Variants in MYOM2 observed in about 807,000 individuals in gnomAD.
MYOM2 encodes myomesin 2, also known as myomesin-2.
In MYOM2, 254 loss-of-function variants were observed where a neutral mutation model predicts 187.6. The ratio of observed to expected loss-of-function variants is 1.35; its 90% CI spans 1.22 to 1.50. The LOEUF (loss-of-function observed/expected upper bound fraction) is 1.50. Ranked by LOEUF, MYOM2 falls within the 40% of genes most tolerant of loss-of-function variation. The pLI, the probability that MYOM2 is intolerant of heterozygous loss-of-function variation, is 0.00. For synonymous variants in MYOM2, 981 were observed against 753.8 expected, an observed-to-expected ratio of 1.30 and a Z score of -4.94; for missense variants, 2,796 against 1,924.0, an observed-to-expected ratio of 1.45 and a Z score of -8.48.
intron 27 of MYOM2, 45 bp from the exon 28 acceptor site, chr8:2,117,840 A>C (rs750170428): frequency 1.5e-5 from 21 of 1,422,344 alleles, no homozygotes; most frequent in Middle Eastern, 1.8e-4. Flanking sequence ...TTATTTGTTT[A>C]CTTTTTCCTT....
chr8:2,108,623 A>C (rs1796968867), intron 23 of MYOM2, among the ~76,000 whole-genome samples, 163 bp from the exon 24 acceptor site: 1 of 152,086 alleles, frequency 6.6e-6, no homozygotes, highest in Non-Finnish European at 1.5e-5. Flanking sequence ...GTGAAGGTTA[A>C]AGCTATCCTC....
intron 21 of MYOM2, among the ~76,000 whole-genome samples, chr8:2,104,056 G>T (rs73186748): frequency 0.052 from 7,898 of 152,280 alleles, 281 homozygotes; most frequent in Middle Eastern, 0.088. Flanking sequence ...TCATCTTCAT[G>T]CTTGGCAGGG....
intron 1 of MYOM2, among the ~76,000 whole-genome samples, chr8:2,046,096 C>A (rs2129325287): frequency 6.6e-6 from 1 of 152,370 alleles, no homozygotes; most frequent in Non-Finnish European, 1.5e-5. Context: ...CGCTGCGTGT[C>A]TGGGAGTCCC....
intron 1 of MYOM2, among the ~76,000 whole-genome samples, chr8:2,045,611 G>C (rs1033629262): frequency 1.3e-5 from 2 of 152,236 alleles, no homozygotes; most frequent in African/African-American, 2.4e-5. Flanking sequence ...AAAGAGTCGA[G>C]GGTCATTCAG....
At chr8:2,051,967 T>C (rs914976374) in intron 2 of MYOM2, among the ~76,000 whole-genome samples, 191 bp from the exon 3 acceptor site, 3 of 152,256 alleles carry the variant, frequency 2.0e-5, no homozygotes, top group Admixed American at 1.3e-4. Flanking sequence ...TGCATATGCA[T>C]GCATGTGTGT....
chr8:2,090,779 T>C (rs1376843618), intron 15 of MYOM2, among the ~76,000 whole-genome samples: 3 of 152,230 alleles, frequency 2.0e-5, no homozygotes, highest in African/African-American at 7.2e-5. Flanking sequence ...TTCACTCATA[T>C]TCCTGCAAAG....
chr8:2,126,515 GACAC>G (rs769878187), intron 31 of MYOM2, among the ~76,000 whole-genome samples: 37 of 152,096 alleles, frequency 2.4e-4, no homozygotes, highest in South Asian at 1.9e-3. Context: ...CTCACACACT[GACAC>G]ACACACTCAT....
chr8:2,109,116 G>GT (rs1796985037), intron 24 of MYOM2, among the ~76,000 whole-genome samples: 2 of 152,182 alleles, frequency 1.3e-5, no homozygotes, highest in Non-Finnish European at 2.9e-5. Context: ...GAAATCTTCT[G>GT]TTATTGAATT....
In MYOM2 at chr8:2,057,671, A is replaced by G. The variant is rs757157953; in HGVS notation, c.451A>G (p.Ser151Gly). The part of the protein sequence containing the change: ...WERHTFEERI[S>G]RAPEILVRLR... ...GAGACACACATTTGAAGAGCGGATA[A>G]GCAGGGCTCCTGAGATCCTGGTGCG... Residue 151 changes from serine (S) to glycine (G), a missense_variant, in exon 5 of 37, where the codon AGC (serine) becomes GGC (glycine). Transcript: ENST00000262113. 20 of 1,614,032 alleles carry G rather than the reference A, an allele frequency of 1.2e-5. No homozygotes were observed. The highest frequency in any genetic ancestry group is 1.7e-5 in the Non-Finnish European group (20 of 1,180,040).
intron 15 of MYOM2, among the ~76,000 whole-genome samples, chr8:2,092,130 T>A (rs926327329): frequency 2.0e-5 from 3 of 152,096 alleles, no homozygotes; most frequent in Non-Finnish European, 4.4e-5. Context: ...AGGAGTTGTG[T>A]GGAGCTTGGG....
intron 32 of MYOM2, among the ~76,000 whole-genome samples, chr8:2,138,301 T>C (rs2116912203): frequency 6.6e-6 from 1 of 152,310 alleles, no homozygotes; most frequent in South Asian, 2.1e-4. Context: ...CATGGCCTCA[T>C]CGCTTCTGCT....
chr8:2,131,616 A>T (rs970809389), intron 32 of MYOM2, among the ~76,000 whole-genome samples: 4 of 150,650 alleles, frequency 2.7e-5, no homozygotes, highest in African/African-American at 7.3e-5. Context: ...AAACAAATTC[A>T]TTATACAACA....
chr8:2,091,207 T>A (rs11136464), intron 15 of MYOM2, among the ~76,000 whole-genome samples: 138,782 of 151,438 alleles, frequency 0.92, 63,674 homozygotes, highest in East Asian at 1. Flanking sequence ...AATGCTTTTT[T>A]AAAAAAATTT....
intron 4 of MYOM2, 53 bp downstream of exon 4, chr8:2,057,539 G>T: frequency 6.2e-7 from 1 of 1,613,232 alleles, no homozygotes; most frequent in Non-Finnish European, 8.5e-7. Context: ...CTAGATCTTA[G>T]CTTGTCTGCA....
Position 2,115,970 on chromosome 8 carries a change from T to A in MYOM2, c.3191T>A (p.Ile1064Asn). Reference protein sequence around the residue: ...REVSDSEIHRIKCDKATGIIE... With the variant: ...REVSDSEIHRNKCDKATGIIE... ...TTGTTTTGCTTGCAGATACACAGAATTAAATGTGACAAAGCTACTGGCATT... is the reference window on the plus strand; with the variant it reads ...TTGTTTTGCTTGCAGATACACAGAAATAAATGTGACAAAGCTACTGGCATT... Residue 1064 changes from isoleucine (I) to asparagine (N), a missense_variant, in exon 26 of 37, where the codon ATT becomes AAT. Coordinates refer to ENST00000262113, the MANE Select transcript of MYOM2 (RefSeq NM_003970.4). 6.2e-7 allele frequency: 1 copy of A among 1,613,408 alleles called. No homozygotes were observed. Among genetic ancestry groups the A allele is most frequent in the Non-Finnish European group, 8.5e-7 (1 of 1,179,866 alleles).
intron 32 of MYOM2, 48 bp from the exon 33 acceptor site, chr8:2,140,675 G>C (rs1798242137): frequency 6.3e-7 from 1 of 1,594,912 alleles, no homozygotes; most frequent in South Asian, 1.1e-5. Context: ...CATTGTGCGT[G>C]TGACATGGAG....
At chr8:2,132,854 C>A (rs1044298962) in intron 32 of MYOM2, among the ~76,000 whole-genome samples, 5 of 152,232 alleles carry the variant, frequency 3.3e-5, no homozygotes, top group African/African-American at 1.2e-4. Flanking sequence ...AACTCTTGAA[C>A]TAACTGGGAG....
intron 21 of MYOM2, 148 bp from the exon 22 acceptor site, chr8:2,106,094 A>G (rs1282278135): frequency 1.2e-5 from 9 of 764,030 alleles, no homozygotes; most frequent in African/African-American, 3.5e-5. Context: ...CCGTGATCCA[A>G]TCACCTCACT....
chr8:2,126,433 ACACT>A (rs34413267), intron 31 of MYOM2, among the ~76,000 whole-genome samples: 29,413 of 151,964 alleles, frequency 0.19, 3,027 homozygotes, highest in East Asian at 0.37. Flanking sequence ...ACATACACAC[ACACT>A]GACACACACC....
Sources: allele counts gnomAD v4.1 joint callset (sites outside exome capture counted in the v4.1 genomes callset), GRCh38; gene constraint gnomAD v4.1.1; transcripts MANE v1.5; gene names NCBI Gene and HGNC (gene_info 2026-07-23, HGNC 2026-07-21).